The following SLIT3 variants were observed in gnomAD, a reference collection of about 807,000 sequenced individuals.
SLIT3 encodes the protein slit guidance ligand 3.
In SLIT3, 68 loss-of-function variants were observed where a neutral mutation model predicts 184.0. The ratio of observed to expected loss-of-function variants is 0.37; its 90% CI spans 0.30 to 0.45. The LOEUF is 0.45. Among genes scored for constraint, SLIT3 ranks in the 20% least tolerant of loss-of-function variants. The pLI, the probability that SLIT3 is intolerant of heterozygous loss-of-function variation, is 1.00. For synonymous variants in SLIT3, 831 were observed against 828.6 expected (o/e 1.00, Z -0.05); for missense variants, 1,707 against 2,026.0 (o/e 0.84, Z 3.02).
chr5:168,821,386 C>T (rs763359182), intron 7 of SLIT3, among the ~76,000 whole-genome samples: 13 of 152,216 alleles, frequency 8.5e-5, no homozygotes, highest in Non-Finnish European at 5.9e-5. Flanking sequence ...CATTTTTCTT[C>T]GATGCAACCC....
At chr5:169,278,801 G>A (rs886778918) in intron 1 of SLIT3, among the ~76,000 whole-genome samples, 4 of 152,142 alleles carry the variant, frequency 2.6e-5, no homozygotes, top group Admixed American at 6.5e-5. Flanking sequence ...AGGGGTTTGG[G>A]GAGAGAGCAG....
chr5:168,713,999 T>C (rs1403584148), intron 23 of SLIT3, among the ~76,000 whole-genome samples: 1 of 152,238 alleles, frequency 6.6e-6, no homozygotes, highest in Non-Finnish European at 1.5e-5. Context: ...CCTCCATTGA[T>C]ATCCTCATCA....
At chr5:168,985,477 C>T (rs901038136) in intron 4 of SLIT3, among the ~76,000 whole-genome samples, 3 of 152,186 alleles carry the variant, frequency 2.0e-5, no homozygotes, top group Non-Finnish European at 4.4e-5. Flanking sequence ...AATCATGGTG[C>T]ATGGGAACAA....
intron 4 of SLIT3, among the ~76,000 whole-genome samples, chr5:169,079,569 A>AGG (rs1372140464): frequency 9.3e-6 from 1 of 107,742 alleles, no homozygotes; most frequent in African/African-American, 3.6e-5. Flanking sequence ...AGGAGGAGGA[A>AGG]GGAGGAGGAG....
At chr5:168,765,163 C>G (rs1428953722) in intron 14 of SLIT3, among the ~76,000 whole-genome samples, 1 of 152,190 alleles carries the variant, frequency 6.6e-6, no homozygotes, top group Non-Finnish European at 1.5e-5. Context: ...TGAAGGCGTG[C>G]ACCGGCTGGG....
At chr5:169,075,001 T>C (rs1758684819) in intron 4 of SLIT3, among the ~76,000 whole-genome samples, 1 of 152,194 alleles carries the variant, frequency 6.6e-6, no homozygotes. Context: ...AGCTCTGCTA[T>C]TGAGCTGTTC....
At position 168,666,590 on chromosome 5, in the gene SLIT3, C is replaced by T. The variant is rs184693277; in HGVS notation, c.4436G>A (p.Arg1479His). ...GCAGCACTGGGGCCCACAGCCCCCA[C>T]GACATTCCATGATGGGCACCTTGGA... ...TASKVPIMECRGGCGPQCCQP... is the reference protein window; with the variant it reads ...TASKVPIMECHGGCGPQCCQP... Residue 1479 changes from arginine (R) to histidine (H), a missense_variant, in exon 36 of 36, where the codon CGT becomes CAT. Physicochemically the swap from Arg to His is conservative, Grantham distance 29. Transcript: ENST00000519560. 215 of 1,614,202 alleles carry T rather than the reference C, an allele frequency of 1.3e-4. No individual in the cohort carries two copies. In the East Asian group the frequency reaches 3.5e-3, roughly 26 times the overall value.
intron 11 of SLIT3, among the ~76,000 whole-genome samples, chr5:168,788,896 T>A (rs1756256375): frequency 6.6e-6 from 1 of 152,008 alleles, no homozygotes; most frequent in East Asian, 1.9e-4. Flanking sequence ...ACTGTCCCCA[T>A]CCTGCCTACT....
intron 4 of SLIT3, among the ~76,000 whole-genome samples, chr5:169,186,402 T>C (rs760772826): frequency 3.9e-5 from 6 of 152,194 alleles, no homozygotes; most frequent in South Asian, 4.1e-4. Context: ...CTTGGACTTC[T>C]ATCCTCCAGA....
chr5:168,679,930 T>C (rs1761530349), intron 32 of SLIT3, among the ~76,000 whole-genome samples: 1 of 152,144 alleles, frequency 6.6e-6, no homozygotes, highest in African/African-American at 2.4e-5. Flanking sequence ...GTGGACAGGA[T>C]TGTAGAAATC....
rs773015247 is a variant in SLIT3 at position 168,684,075 on chromosome 5, C to T, written c.3577G>A (p.Gly1193Ser). ...SLQVATDKDN[G>S]ILLYKGDNDP... The stretch of plus-strand genomic sequence containing the variant: ...TTGTCTCCTTTGTAGAGAAGGATGC[C>T]GTTGTCCTTGTCAGTGGCCACCTGG... The change falls in exon 32 of 36, where the codon GGC becomes AGC. Residue 1193 changes from glycine to serine, a missense_variant. By Grantham distance (56) the Gly-to-Ser change is moderately conservative. Around this residue, in one of 3 missense-constraint regions of SLIT3, gnomAD observed 387 missense variants for 477.9 expected, o/e 0.81. Coordinates refer to ENST00000519560, the MANE Select transcript of SLIT3 (RefSeq NM_003062.4). The T allele has an allele frequency of 1.9e-6, 3 of 1,603,094 alleles. No homozygotes were observed. The highest frequency in any genetic ancestry group is 2.3e-5 in the East Asian group (1 of 43,988).
At chr5:168,684,235 A>G (rs1267699083) in intron 31 of SLIT3, 139 bp from the exon 32 acceptor site, 4 of 895,072 alleles carry the variant, frequency 4.5e-6, no homozygotes, top group African/African-American at 1.7e-5. Flanking sequence ...TTCCTCCTCC[A>G]TCTAGTCAGT....
chr5:168,703,136 T>C (rs1286980187), intron 26 of SLIT3, among the ~76,000 whole-genome samples: 2 of 152,120 alleles, frequency 1.3e-5, no homozygotes, highest in Admixed American at 6.5e-5. Flanking sequence ...ATTAGCCTGA[T>C]TCAATTCTCT....
chr5:169,144,231 T>G (rs530725265), intron 4 of SLIT3, among the ~76,000 whole-genome samples: 2 of 152,354 alleles, frequency 1.3e-5, no homozygotes, highest in South Asian at 4.1e-4. Context: ...CTTGGGGTCC[T>G]TGTACATGTT....
rs1240622034 is a variant in SLIT3, at chr5:168,692,644, G to A, written c.3139C>T (p.His1047Tyr). 3 of 1,613,962 alleles carry A rather than the reference G, an allele frequency of 1.9e-6. No individual in the cohort carries two copies. In the South Asian group the frequency reaches 3.3e-5, roughly 18 times the overall value. ...HCVPELNLCQ[H>Y]EAKCIPLDKG... Reference sequence around the variant, plus strand: ...TCCAGGGGGATGCACTTGGCCTCATGCTGACAGAGGTTCAGCTCAGGCACA... The same window carrying A: ...TCCAGGGGGATGCACTTGGCCTCATACTGACAGAGGTTCAGCTCAGGCACA... The change falls in exon 29 of 36, where the codon CAT becomes TAT. Residue 1047 changes from histidine (H) to tyrosine (Y), a missense_variant. Coordinates refer to ENST00000519560, the MANE Select transcript of SLIT3 (RefSeq NM_003062.4).
chr5:168,744,595 T>C (rs1041538163), intron 20 of SLIT3, among the ~76,000 whole-genome samples: 33 of 152,206 alleles, frequency 2.2e-4, no homozygotes, highest in African/African-American at 7.7e-4. Context: ...TTGAAGCCAA[T>C]ACTCATTTAC....
intron 4 of SLIT3, among the ~76,000 whole-genome samples, chr5:169,192,421 C>CTGTG (rs949906510): frequency 9.0e-6 from 1 of 111,416 alleles, no homozygotes; most frequent in South Asian, 3.4e-4. Flanking sequence ...TGTATATAGT[C>CTGTG]TCTGTGTGTG....
chr5:168,766,190 T>C (rs1021354571), intron 14 of SLIT3, among the ~76,000 whole-genome samples: 6 of 152,300 alleles, frequency 3.9e-5, no homozygotes, highest in Middle Eastern at 3.4e-3. Context: ...GAGTCATAAA[T>C]TCATTGTTAT....
chr5:168,795,649 G>T, intron 9 of SLIT3, 71 bp from the exon 10 acceptor site: 1 of 1,238,576 alleles, frequency 8.1e-7, no homozygotes, highest in Non-Finnish European at 1.2e-6. Flanking sequence ...GGGCTACTGT[G>T]TTCTCTGGCC....
Sources: gnomAD v4.1 joint callset for allele counts (sites outside exome capture counted in the v4.1 genomes callset) on GRCh38, gnomAD v4.1.1 for gene constraint, gnomAD v4.1.1 regional missense constraint, MANE v1.5 for transcripts, NCBI Gene and HGNC (gene_info 2026-07-23, HGNC 2026-07-21) for gene names.